Variants in NF1 observed in about 807,000 individuals in gnomAD.
NF1 encodes the protein neurofibromin.
Under a neutral mutation model 325.7 loss-of-function variants are expected in NF1, and 122 were observed. The ratio of observed to expected loss-of-function variants is 0.37; its 90% CI spans 0.32 to 0.44. The LOEUF is 0.44. NF1 is among the 20% of genes least tolerant of loss of function. NF1 has a pLI of 1.00. For missense variants in NF1, 2,140 were observed against 3,415.4 expected, an observed-to-expected ratio of 0.63 and a Z score of 9.31; for synonymous variants, 1,091 against 1,186.0, an observed-to-expected ratio of 0.92 and a Z score of 1.65.
chr17:31,229,496 C>G (rs1283914557), intron 21 of NF1, 31 bp downstream of exon 21: 1 of 1,591,564 alleles, frequency 6.3e-7, no homozygotes, highest in Non-Finnish European at 8.6e-7. Context: ...TCACCTTTCT[C>G]TATGAATAGA....
At chr17:31,358,730 CT>C in intron 55 of NF1, 108 bp downstream of exon 55, 2 of 1,438,430 alleles carry the variant, frequency 1.4e-6, no homozygotes, top group South Asian at 2.3e-5. Context: ...CTTGTTCATA[CT>C]TTTATTTCCA....
rs762434870 is a variant in NF1, at chr17:31,163,314, T to C, written c.417T>C (p.Ser139=). The change falls in exon 4 of 58, where the codon TCT becomes TCC. Residue 139 remains serine (S), a synonymous_variant. Transcript: ENST00000358273. ...CAGCTGAACTTCGGAATTCTGCCTCTGGGGTTTTATTTTCTCTCAGCTGCA... is the reference window on the plus strand; with the variant it reads ...CAGCTGAACTTCGGAATTCTGCCTCCGGGGTTTTATTTTCTCTCAGCTGCA... ...QHAAELRNSA[S]GVLFSLSCNN... 6 of 1,614,068 alleles carry C rather than the reference T, an allele frequency of 3.7e-6. No individual in the cohort carries two copies. Among genetic ancestry groups the C allele is most frequent in the Non-Finnish European group, 5.1e-6 (6 of 1,180,026 alleles).
At chr17:31,304,466 G>T in intron 36 of NF1, 1 of 1,614,154 alleles carries the variant, frequency 6.2e-7, no homozygotes, top group South Asian at 1.1e-5. Context: ...CCACAGTCTT[G>T]ATTGAGACAG....
intron 1 of NF1, among the ~76,000 whole-genome samples, chr17:31,116,782 C>T (rs1259349190): frequency 6.6e-6 from 1 of 151,788 alleles, no homozygotes; most frequent in Non-Finnish European, 1.5e-5. Flanking sequence ...ATTCTCCTGC[C>T]TCAGCCTCCC....
At chr17:31,109,104 A>G (rs1913170234) in intron 1 of NF1, among the ~76,000 whole-genome samples, 1 of 152,244 alleles carries the variant, frequency 6.6e-6, no homozygotes, top group African/African-American at 2.4e-5. Flanking sequence ...AATTAAGTCC[A>G]TAGTATTAAA....
intron 1 of NF1, among the ~76,000 whole-genome samples, chr17:31,142,091 A>C (rs151217204): frequency 6.6e-6 from 1 of 152,192 alleles, no homozygotes; most frequent in Non-Finnish European, 1.5e-5. Flanking sequence ...TTCTAAGTGA[A>C]ACTAGAAACA....
At chr17:31,226,729 ACATGGCAT>A in intron 18 of NF1, 45 bp downstream of exon 18, 1 of 1,611,026 alleles carries the variant, frequency 6.2e-7, no homozygotes, top group South Asian at 1.1e-5. Flanking sequence ...GCCTCAAAGC[ACATGGCAT>A]CTGATTTTGA....
At chr17:31,181,681 TG>T (rs2066136907) in intron 6 of NF1, 28 bp from the exon 7 acceptor site, 1 of 1,516,874 alleles carries the variant, frequency 6.6e-7, no homozygotes, top group African/African-American at 1.4e-5. Context: ...AAAAAATCAC[TG>T]TAAAGACATG....
chr17:31,097,689 G>C (rs1174065808), intron 1 of NF1, among the ~76,000 whole-genome samples: 2 of 151,844 alleles, frequency 1.3e-5, no homozygotes, highest in African/African-American at 4.8e-5. Context: ...ATATATAGGA[G>C]AGATTATTCC....
intron 47 of NF1, among the ~76,000 whole-genome samples, chr17:31,341,841 A>G (rs1290840590): frequency 1.3e-5 from 2 of 152,124 alleles, no homozygotes; most frequent in Non-Finnish European, 1.5e-5. Flanking sequence ...ATAAAATAGT[A>G]TGAAATTACG....
At chr17:31,221,826 C>T (rs2144003207) in intron 14 of NF1, 24 bp from the exon 15 acceptor site, 1 of 1,548,764 alleles carries the variant, frequency 6.5e-7, no homozygotes, top group East Asian at 2.3e-5. Flanking sequence ...TTCTCTTTGT[C>T]TTTCTCTTTT....
chr17:31,369,705 C>T (rs557137455), intron 57 of NF1, among the ~76,000 whole-genome samples: 1 of 152,324 alleles, frequency 6.6e-6, no homozygotes, highest in African/African-American at 2.4e-5. Context: ...AAGGCCTTCT[C>T]ACTAACTTAA....
intron 35 of NF1, among the ~76,000 whole-genome samples, chr17:31,263,929 A>G (rs1567864516): frequency 6.6e-6 from 1 of 152,130 alleles, no homozygotes; most frequent in Non-Finnish European, 1.5e-5. Flanking sequence ...TCTCCCAGTC[A>G]TTTATCTATG....
At chr17:31,299,479 A>G (rs2068531737) in intron 36 of NF1, 1 of 152,074 alleles carries the variant, frequency 6.6e-6, no homozygotes, top group Admixed American at 6.6e-5. Flanking sequence ...ATTAAGCAGT[A>G]AATTAATTTA....
At chr17:31,209,011 A>G (rs2066674171) in intron 12 of NF1, among the ~76,000 whole-genome samples, 1 of 152,240 alleles carries the variant, frequency 6.6e-6, no homozygotes, top group Admixed American at 6.5e-5. Context: ...TACTGTTGGC[A>G]CTATTAACAT....
chr17:31,109,050 A>G (rs1913165852), intron 1 of NF1, among the ~76,000 whole-genome samples: 1 of 152,218 alleles, frequency 6.6e-6, no homozygotes, highest in African/African-American at 2.4e-5. Flanking sequence ...AGTGCTAACA[A>G]CTCATGCCTA....
chr17:31,118,292 A>T (rs79902358), intron 1 of NF1, among the ~76,000 whole-genome samples: 2 of 143,516 alleles, frequency 1.4e-5, no homozygotes, highest in African/African-American at 5.1e-5. Context: ...CCAGATGCTG[A>T]TTTTTTTTTT....
chr17:31,339,971 G>A (rs751589874), intron 46 of NF1, among the ~76,000 whole-genome samples: 27 of 152,134 alleles, frequency 1.8e-4, no homozygotes, highest in African/African-American at 2.7e-4. Flanking sequence ...CAAAGGAATC[G>A]AGAGAGGGAA....
Position 31,233,006 on chromosome 17 carries a change from A to G in NF1, c.3501A>G (p.Leu1167=). 6.2e-7 allele frequency: 1 copy of G among 1,614,230 alleles called. No individual in the cohort carries two copies. Among genetic ancestry groups the G allele is most frequent in the Non-Finnish European group, 8.5e-7 (1 of 1,180,038 alleles). The change falls in exon 27 of 58, where the codon TTA becomes TTG. Residue 1167 remains leucine, a synonymous_variant. Coordinates refer to ENST00000358273, the MANE Select transcript of NF1 (RefSeq NM_001042492.3). The stretch of plus-strand genomic sequence containing the variant: ...GCATCTGTTTGTCCACATTAGGCTT[A>G]GGTTACCACAAGGATCTCCAGACAA... ...VDSGLMHSIG[L]GYHKDLQTRA...
Sources: gnomAD v4.1 joint callset for allele counts (sites outside exome capture counted in the v4.1 genomes callset) on GRCh38, gnomAD v4.1.1 for gene constraint, MANE v1.5 for transcripts, NCBI Gene and HGNC (gene_info 2026-07-23, HGNC 2026-07-21) for gene names.